Variants in SNED1 observed in about 807,000 individuals in gnomAD.
SNED1 encodes the protein sushi, nidogen and EGF-like domain-containing protein 1.
A neutral mutation model predicts 166.7 loss-of-function variants in SNED1; 81 were observed. That is an observed-to-expected ratio of 0.49 (90% CI 0.41 to 0.58). SNED1 has a LOEUF of 0.58. SNED1 is among the 20% of genes least tolerant of loss of function. SNED1 has a pLI of 0.00. For synonymous variants in SNED1, 762 were observed against 822.0 expected (o/e 0.93, Z 1.25); for missense variants, 1,604 against 2,000.2 (o/e 0.80, Z 3.78).
chr2:241,045,602 A>G (rs183232867), intron 8 of SNED1, among the ~76,000 whole-genome samples: 128 of 150,958 alleles, frequency 8.5e-4, no homozygotes, highest in African/African-American at 2.8e-3. Flanking sequence ...TATATGTATA[A>G]AAAAAAAACC....
intron 12 of SNED1, chr2:241,050,188 G>C: frequency 1.8e-6 from 1 of 551,358 alleles, no homozygotes; most frequent in East Asian, 3.0e-5. Flanking sequence ...TGCCTGCTCA[G>C]CATTTTTCCA....
intron 8 of SNED1, among the ~76,000 whole-genome samples, chr2:241,048,101 CT>C (rs1399912601): frequency 6.6e-6 from 1 of 152,202 alleles, no homozygotes; most frequent in Admixed American, 6.5e-5. Flanking sequence ...TTCTCTGGTG[CT>C]TCTTGTTCTG....
chr2:241,071,676 G>A lies in SNED1; in HGVS notation c.3690G>A (p.Leu1230=), dbSNP rs757543194. 282 of 1,552,284 alleles carry A rather than the reference G, an allele frequency of 1.8e-4. 1 individual carries two copies. Among genetic ancestry groups the A allele is most frequent in the Non-Finnish European group, 2.3e-4 (267 of 1,154,538 alleles). The change falls in exon 25 of 32, where the codon CTG becomes CTA. Residue 1230 remains leucine, a synonymous_variant. Transcript: ENST00000310397. ...CGGCGCGCCTGCCGGAGCTGCGCCT[G>A]CTCAATGACCACAGCGCCCCCGAGA... ...PPPARLPELR[L]LNDHSAPETP...
intron 15 of SNED1, among the ~76,000 whole-genome samples, 173 bp downstream of exon 15, chr2:241,052,641 GCCAA>G (rs2061891195): frequency 1.7e-5 from 2 of 118,816 alleles, no homozygotes; most frequent in African/African-American, 7.6e-5. Context: ...GGGCCGGGGG[GCCAA>G]GCAGGGTACA....
chr2:241,070,322 C>T (rs1043022771), intron 24 of SNED1, 121 bp downstream of exon 24: 35 of 1,081,316 alleles, frequency 3.2e-5, no homozygotes, highest in African/African-American at 2.7e-4. Context: ...GAAACAGGAC[C>T]GTGTTAGCAG....
In SNED1 at chr2:241,088,386, AC is replaced by A. The variant is rs779889614; in HGVS notation, c.4228del (p.Leu1410TrpfsTer28). ...PNRKQSKSQT[L>X]EKS The stretch of plus-strand genomic sequence containing the variant: ...TCAGGAAACAAAGTAAGAGTCAGAC[AC>A]TGGAGAAATCTTAAGGTACGTCCCT... On this transcript the variant is annotated frameshift_variant, in exon 31 of 32. Coordinates refer to ENST00000310397, the MANE Select transcript of SNED1 (RefSeq NM_001080437.3). LOFTEE classifies it high-confidence loss of function. The A allele has an allele frequency of 1.2e-6, 2 of 1,612,230 alleles. No individual in the cohort carries two copies. The highest frequency in any genetic ancestry group is 2.2e-5 in the South Asian group (2 of 91,040).
chr2:241,037,071 C>A, intron 5 of SNED1, 156 bp downstream of exon 5: 1 of 1,039,596 alleles, frequency 9.6e-7, no homozygotes, highest in Non-Finnish European at 1.4e-6. Context: ...CACTGGGGAC[C>A]AAAGGCCATG....
intron 1 of SNED1, among the ~76,000 whole-genome samples, chr2:241,023,791 G>C (rs1377096703): frequency 2.0e-5 from 3 of 150,456 alleles, no homozygotes; most frequent in Non-Finnish European, 1.5e-5. Context: ...TGATAATAAT[G>C]TGATTATACC....
intron 1 of SNED1, among the ~76,000 whole-genome samples, chr2:241,028,930 G>T (rs911412145): frequency 6.6e-6 from 1 of 152,042 alleles, no homozygotes; most frequent in African/African-American, 2.4e-5. Context: ...CTGCGTATTT[G>T]TAAAATTATT....
chr2:241,005,941 G>T (rs2060210215), intron 1 of SNED1, among the ~76,000 whole-genome samples: 1 of 151,808 alleles, frequency 6.6e-6, no homozygotes, highest in African/African-American at 2.4e-5. Flanking sequence ...TAGTTTCCAT[G>T]AAATTTGAAA....
rs756771551 is a variant in SNED1, at chr2:241,036,935, C to G, written c.931+20C>G. On this transcript the variant is annotated intron_variant, in intron 5 of 31. Coordinates refer to ENST00000310397, the MANE Select transcript of SNED1 (RefSeq NM_001080437.3). ...ACCTGGGTGAGTGACTGGCCCAGGG[C>G]GGGACCACCCGCTGGCTGCGCTGGG... 6.3e-7 allele frequency: 1 copy of G among 1,599,210 alleles called. No homozygotes were observed. Among genetic ancestry groups the G allele is most frequent in the East Asian group, 2.3e-5 (1 of 44,272 alleles).
chr2:241,030,362 C>A lies in SNED1; in HGVS notation c.292C>A (p.Arg98Ser), dbSNP rs780857402. ...AGTGGCCTTCCCCATTGCCAAGGAC[C>A]GCTGCGTGGTGGCAGCCTTCTGGGC... ...TPVAFPIAKD[R>S]CVVAAFWADV... The change falls in exon 2 of 32, where the codon CGC becomes AGC. Residue 98 changes from arginine to serine, a missense_variant. Arg to Ser is a moderately radical substitution (Grantham distance 110). Transcript: ENST00000310397. 1 of 1,610,910 alleles carries A rather than the reference C, an allele frequency of 6.2e-7. No individual in the cohort carries two copies. The highest frequency in any genetic ancestry group is 8.5e-7 in the Non-Finnish European group (1 of 1,178,672).
Position 241,094,083 on chromosome 2 carries a change from T to G in SNED1, c.*2447T>G, listed in dbSNP as rs552269919. Reference sequence around the variant, plus strand: ...CGGGATGCCACAATGGAAGAGAAAATGAAAACACTGGCACAGTGAAATGTC... The same window carrying G: ...CGGGATGCCACAATGGAAGAGAAAAGGAAAACACTGGCACAGTGAAATGTC... On this transcript the variant is annotated 3_prime_UTR_variant, in exon 32 of 32. Transcript: ENST00000310397. The surrounding 1 kb of genome is among the most constrained non-coding windows in gnomAD (Gnocchi z 4.3). 7.9e-5 allele frequency: 26 copies of G among 330,898 alleles called. No homozygotes were observed. The East Asian group carries it at 2.0e-3, about 26-fold the overall frequency. The allele number at this position is 330,898 out of a possible 1,614,324, so 20.5% of individuals were successfully genotyped here.
chr2:241,067,911 C>A lies in SNED1; in HGVS notation c.3158C>A (p.Thr1053Asn). The A allele has an allele frequency of 6.2e-7, 1 of 1,613,388 alleles. No individual in the cohort carries two copies. The highest frequency in any genetic ancestry group is 8.5e-7 in the Non-Finnish European group (1 of 1,179,814). Residue 1053 changes from threonine (T) to asparagine (N), a missense_variant, in exon 22 of 32, where the codon ACC becomes AAC. By Grantham distance (65) the Thr-to-Asn change is moderately conservative. Coordinates refer to ENST00000310397, the MANE Select transcript of SNED1 (RefSeq NM_001080437.3). ...RHPEALRDQA[T>N]DVDRSVDRFT... ...CCTGAGGCCCTCAGGGACCAGGCCA[C>A]CGATGTGGACAGGAGTGTGGACAGG...
intron 16 of SNED1, among the ~76,000 whole-genome samples, chr2:241,060,225 C>G (rs1431281218): frequency 6.6e-6 from 1 of 151,762 alleles, no homozygotes; most frequent in Non-Finnish European, 1.5e-5. Context: ...CACTCTTGCC[C>G]AGGCTGGAGT....
intron 27 of SNED1, among the ~76,000 whole-genome samples, chr2:241,077,625 C>T (rs1360987360): frequency 6.6e-6 from 1 of 152,080 alleles, no homozygotes; most frequent in Non-Finnish European, 1.5e-5. Context: ...AGACCCATAT[C>T]TAAAATAAAG....
At chr2:241,072,003 C>A in intron 26 of SNED1, 125 bp downstream of exon 26, 2 of 865,452 alleles carry the variant, frequency 2.3e-6, no homozygotes, top group Non-Finnish European at 3.8e-6. Context: ...CAGCCAGTGA[C>A]CCCCACCCCG....
Position 241,069,055 on chromosome 2 carries a change from A to G in SNED1, c.3307+32A>G. 7.7e-6 allele frequency: 11 copies of G among 1,434,660 alleles called. No individual in the cohort carries two copies. Among genetic ancestry groups the G allele is most frequent in the Non-Finnish European group, 1.0e-5 (11 of 1,048,618 alleles). The allele number at this position is 1,434,660 out of a possible 1,614,324, so 88.9% of individuals were successfully genotyped here. ...AGAGCAGCGCGGCCCCCGGCACACG[A>G]AAGGCCGTCTTCTAGAAGCTCTGGC... On this transcript the variant is annotated intron_variant, in intron 23 of 31. Coordinates refer to ENST00000310397, the MANE Select transcript of SNED1 (RefSeq NM_001080437.3). The surrounding 1 kb of genome is among the most constrained non-coding windows in gnomAD (Gnocchi z 4.9).
intron 21 of SNED1, among the ~76,000 whole-genome samples, chr2:241,065,878 TG>T (rs1439328340): frequency 1.7e-5 from 2 of 118,280 alleles, no homozygotes. Context: ...GAAGTGGGAC[TG>T]GGGAGGAATG....
Sources: allele counts gnomAD v4.1 joint callset (sites outside exome capture counted in the v4.1 genomes callset), GRCh38; gene constraint gnomAD v4.1.1; non-coding constraint Gnocchi (gnomAD v3.1); transcripts MANE v1.5; gene names NCBI Gene and HGNC (gene_info 2026-07-23, HGNC 2026-07-21).